The following ZYG11B variants were observed in gnomAD, a reference collection of about 807,000 sequenced individuals.
ZYG11B encodes the protein zyg-11 family member B, cell cycle regulator, also known as protein zyg-11 homolog B.
Under a neutral mutation model 82.4 loss-of-function variants are expected in ZYG11B, and 36 were observed. The observed-to-expected ratio is 0.44, with a 90% CI of 0.33 to 0.58. The LOEUF is 0.58. ZYG11B is among the 20% of genes least tolerant of loss of function. The pLI is 0.02. For synonymous variants in ZYG11B, 303 were observed against 312.8 expected, an observed-to-expected ratio of 0.97 and a Z score of 0.33; for missense variants, 552 against 895.6, an observed-to-expected ratio of 0.62 and a Z score of 4.90.
chr1:52,751,589 C>T (rs541190311), intron 1 of ZYG11B, among the ~76,000 whole-genome samples: 3 of 152,090 alleles, frequency 2.0e-5, no homozygotes, highest in Non-Finnish European at 2.9e-5. Context: ...GCCAAGATTA[C>T]ACCACTGCAC....
intron 4 of ZYG11B, among the ~76,000 whole-genome samples, chr1:52,781,787 T>C (rs1219873335): frequency 6.6e-6 from 1 of 152,234 alleles, no homozygotes; most frequent in Non-Finnish European, 1.5e-5. Flanking sequence ...GAGCCACAAC[T>C]TGATATCCTA....
intron 2 of ZYG11B, among the ~76,000 whole-genome samples, chr1:52,759,012 G>T (rs1644603733): frequency 6.6e-6 from 1 of 152,056 alleles, no homozygotes. Context: ...GCTCACTGCA[G>T]CCTCCACCTC....
In ZYG11B at chr1:52,822,753, G is replaced by C. The variant is rs1055804049; in HGVS notation, c.*1124G>C. The C allele has an allele frequency of 6.6e-6, 1 of 152,136 alleles. No individual in the cohort carries two copies. Among genetic ancestry groups the C allele is most frequent in the African/African-American group, 2.4e-5 (1 of 41,438 alleles). The allele number at this position is 152,136 out of a possible 1,614,324, so 9.4% of individuals were successfully genotyped here. A position where few individuals can be genotyped will look rare whatever the true frequency, so the allele number is the denominator to read the frequency against. On this transcript the variant is annotated 3_prime_UTR_variant, in exon 14 of 14. Transcript: ENST00000294353. ...TAAATGTAATGATTCTACTCGCAGT[G>C]CATAACAGCACATATTTTTGACAGA...
intron 13 of ZYG11B, among the ~76,000 whole-genome samples, chr1:52,819,546 C>T (rs866398679): frequency 6.6e-6 from 1 of 151,850 alleles, no homozygotes; most frequent in Non-Finnish European, 1.5e-5. Context: ...CCAGCACTTT[C>T]GGAGGCCAAG....
chr1:52,783,527 A>G (rs574615826), intron 4 of ZYG11B, among the ~76,000 whole-genome samples: 1 of 151,764 alleles, frequency 6.6e-6, no homozygotes, highest in Admixed American at 6.6e-5. Flanking sequence ...GGTGACATGT[A>G]TATGTACGTA....
intron 6 of ZYG11B, among the ~76,000 whole-genome samples, 171 bp downstream of exon 6, chr1:52,790,238 C>T (rs959049636): frequency 6.6e-6 from 1 of 152,120 alleles, no homozygotes; most frequent in African/African-American, 2.4e-5. Context: ...GTGGCTTTGA[C>T]ATTCATGATA....
At position 52,793,363 on chromosome 1, in the gene ZYG11B, A is replaced by G. The variant is rs149262167; in HGVS notation, c.1335-2929A>G. 5.1e-4 allele frequency among the ~76,000 whole-genome samples: 77 copies of G among 152,172 alleles called. No homozygotes were observed. The East Asian group carries it at 0.014, about 28-fold the overall frequency. On this transcript the variant is annotated intron_variant, in intron 6 of 13. Transcript: ENST00000294353. ...GTCTCTACTAAAAATACAAAAAATT[A>G]GCCAGGTGTGGTGGCGGCTCCTAGC...
rs113585809 is a variant in ZYG11B at position 52,728,538 on chromosome 1, A to G, written c.30+1855A>G. On this transcript the variant is annotated intron_variant, in intron 1 of 13. Coordinates refer to ENST00000294353, the MANE Select transcript of ZYG11B (RefSeq NM_024646.3). ...CTCCCAAAGTGCTAGAATTACAGGC[A>G]TGAGCCATCACGCCTGGGCAGAGAA... Among the ~76,000 whole-genome samples the G allele has an allele frequency of 2.0e-3, 298 of 152,358 alleles. 2 individuals are homozygous for G. The highest frequency in any genetic ancestry group is 6.8e-3 in the African/African-American group (282 of 41,600).
intron 4 of ZYG11B, among the ~76,000 whole-genome samples, chr1:52,781,888 T>TTA (rs938825409): frequency 6.6e-6 from 1 of 152,232 alleles, no homozygotes; most frequent in East Asian, 1.9e-4. Context: ...GTCACTCCTT[T>TTA]TATATATATC....
chr1:52,766,215 G>T (rs905774774), intron 2 of ZYG11B, among the ~76,000 whole-genome samples: 8 of 150,784 alleles, frequency 5.3e-5, no homozygotes, highest in Non-Finnish European at 8.9e-5. Context: ...CTGTCTCCCA[G>T]GTTCAAGTGA....
At chr1:52,736,538 G>A (rs1045971554) in intron 1 of ZYG11B, among the ~76,000 whole-genome samples, 4 of 151,312 alleles carry the variant, frequency 2.6e-5, no homozygotes, top group Admixed American at 6.6e-5. Flanking sequence ...CTGCAACCTC[G>A]GCCTCCCAGG....
At chr1:52,783,882 A>ATGTACATACACGTGTATGTG (rs74208826) in intron 4 of ZYG11B, among the ~76,000 whole-genome samples, 2 of 126,012 alleles carry the variant, frequency 1.6e-5, no homozygotes, top group Non-Finnish European at 3.2e-5. Context: ...ACGTGTGTGT[A>ATGTACATACACGTGTATGTG]TATGTACATA....
intron 12 of ZYG11B, 132 bp downstream of exon 12, chr1:52,814,044 C>G: frequency 1.2e-6 from 1 of 842,906 alleles, no homozygotes; most frequent in Non-Finnish European, 1.8e-6. Flanking sequence ...TATTTTGAGA[C>G]AGAGTTTCAC....
chr1:52,786,622 C>G (rs537614722), intron 5 of ZYG11B, among the ~76,000 whole-genome samples: 32 of 152,092 alleles, frequency 2.1e-4, no homozygotes, highest in African/African-American at 7.7e-4. Flanking sequence ...GGTGGCACAC[C>G]ATCTGTGGTC....
chr1:52,797,112 T>TA (rs1210795699), intron 8 of ZYG11B, among the ~76,000 whole-genome samples: 71 of 69,084 alleles, frequency 1.0e-3, no homozygotes, highest in African/African-American at 8.0e-3. Flanking sequence ...TTGTATATAT[T>TA]TATATATTAT....
chr1:52,739,565 A>G (rs145680278), intron 1 of ZYG11B, among the ~76,000 whole-genome samples: 22 of 152,270 alleles, frequency 1.4e-4, no homozygotes, highest in African/African-American at 4.8e-4. Context: ...TTTTCACACC[A>G]GAGACCTTTT....
At chr1:52,749,296 CT>C (rs1320058663) in intron 1 of ZYG11B, among the ~76,000 whole-genome samples, 1 of 152,134 alleles carries the variant, frequency 6.6e-6, no homozygotes, top group Non-Finnish European at 1.5e-5. Flanking sequence ...GTGAAAATAT[CT>C]GTTACAGTAC....
intron 13 of ZYG11B, among the ~76,000 whole-genome samples, chr1:52,817,772 T>G (rs1645238750): frequency 3.3e-5 from 1 of 30,636 alleles, no homozygotes; most frequent in African/African-American, 2.7e-4. Context: ...TGTGTATATA[T>G]ATGTGTATAT....
intron 9 of ZYG11B, 29 bp downstream of exon 9, chr1:52,802,009 T>C: frequency 6.3e-7 from 1 of 1,587,814 alleles, no homozygotes; most frequent in Non-Finnish European, 8.5e-7. Flanking sequence ...CTTACAGTTT[T>C]GATATTTATT....
Sources: allele counts gnomAD v4.1 joint callset (sites outside exome capture counted in the v4.1 genomes callset), GRCh38; gene constraint gnomAD v4.1.1; transcripts MANE v1.5; gene names NCBI Gene and HGNC (gene_info 2026-07-23, HGNC 2026-07-21).